The following PDE8A variants were observed in gnomAD, a reference collection of about 807,000 sequenced individuals.
The protein encoded by PDE8A is phosphodiesterase 8A.
Under a neutral mutation model 105.0 loss-of-function variants are expected in PDE8A, and 59 were observed. The observed-to-expected ratio is 0.56, with a 90% CI of 0.46 to 0.70. The LOEUF is 0.70. Ranked by LOEUF, PDE8A falls within the 30% of genes least tolerant of loss-of-function variation. PDE8A has a pLI of 0.00. For missense variants in PDE8A, 1,014 were observed against 1,045.9 expected (o/e 0.97, Z 0.42); for synonymous variants, 355 against 371.9 (o/e 0.95, Z 0.52).
intron 19 of PDE8A, among the ~76,000 whole-genome samples, chr15:85,125,718 C>T (rs2082248587): frequency 6.6e-6 from 1 of 152,062 alleles, no homozygotes; most frequent in African/African-American, 2.4e-5. Flanking sequence ...GGGAATCTGC[C>T]CTATCACAGG....
chr15:85,015,558 T>G (rs1371919404), intron 1 of PDE8A, among the ~76,000 whole-genome samples: 1 of 152,206 alleles, frequency 6.6e-6, no homozygotes, highest in East Asian at 1.9e-4. Flanking sequence ...CCATTCTGAA[T>G]TTTTACCAGC....
chr15:85,010,844 T>C (rs1359279991), intron 1 of PDE8A, among the ~76,000 whole-genome samples: 2 of 149,738 alleles, frequency 1.3e-5, no homozygotes, highest in Non-Finnish European at 3.0e-5. Context: ...GGGGAGCAGT[T>C]ATTGGCTAAT....
intron 19 of PDE8A, among the ~76,000 whole-genome samples, chr15:85,126,002 G>A (rs2082252660): frequency 6.6e-6 from 1 of 152,160 alleles, no homozygotes; most frequent in South Asian, 2.1e-4. Context: ...TCTAGGTCCT[G>A]TTGCAATCTC....
chr15:85,077,880 TAGTA>T (rs750175404), intron 5 of PDE8A, among the ~76,000 whole-genome samples: 24 of 148,136 alleles, frequency 1.6e-4, no homozygotes, highest in South Asian at 4.1e-4. Context: ...ATTTAAAACT[TAGTA>T]AGTCACATGT....
intron 1 of PDE8A, among the ~76,000 whole-genome samples, chr15:84,983,203 T>G (rs1466355637): frequency 6.6e-6 from 1 of 152,238 alleles, no homozygotes; most frequent in Non-Finnish European, 1.5e-5. Flanking sequence ...AGCTTTCCAG[T>G]TCTCTCATTT....
At chr15:85,075,763 C>T in intron 3 of PDE8A, 99 bp from the exon 4 acceptor site, 1 of 646,672 alleles carries the variant, frequency 1.5e-6, no homozygotes, top group Non-Finnish European at 2.6e-6. Flanking sequence ...ACTCTCCCTT[C>T]TACCCCTCTT....
intron 1 of PDE8A, among the ~76,000 whole-genome samples, chr15:85,015,503 T>G (rs1267380447): frequency 6.6e-6 from 1 of 152,174 alleles, no homozygotes; most frequent in African/African-American, 2.4e-5. Context: ...TTTTTTAATG[T>G]GAATTTTGCT....
intron 20 of PDE8A, among the ~76,000 whole-genome samples, chr15:85,129,183 A>T (rs1455851001): frequency 6.6e-6 from 1 of 152,168 alleles, no homozygotes; most frequent in Non-Finnish European, 1.5e-5. Flanking sequence ...TTTGTGCATC[A>T]GTATTTACAG....
intron 11 of PDE8A, among the ~76,000 whole-genome samples, chr15:85,105,561 A>G (rs553768054): frequency 3.0e-4 from 45 of 151,632 alleles, no homozygotes; most frequent in Non-Finnish European, 5.9e-4. Flanking sequence ...CTCTCTCATC[A>G]CCCCCACTGT....
Position 84,982,243 on chromosome 15 carries a change from G to T in PDE8A, c.81G>T (p.Ser27=). The change falls in exon 1 of 22, where the codon TCG becomes TCT. Residue 27 remains serine, a synonymous_variant. Coordinates refer to ENST00000394553, the MANE Select transcript of PDE8A (RefSeq NM_002605.3). ...CTAGCCCCGCGGCACCGCCGCTGTC[G>T]TCCGGCGGGCCGCGCCTCCCGCAGG... The part of the protein sequence containing the change: ...DAPSPAAPPL[S]SGGPRLPQGQ... The T allele has an allele frequency of 6.8e-7, 1 of 1,463,560 alleles. No individual in the cohort carries two copies. The highest frequency in any genetic ancestry group is 9.0e-7 in the Non-Finnish European group (1 of 1,116,648). The allele number at this position is 1,463,560 out of a possible 1,614,324, so 90.7% of individuals were successfully genotyped here. A position where few individuals can be genotyped will look rare whatever the true frequency, so the allele number is the denominator to read the frequency against.
intron 16 of PDE8A, among the ~76,000 whole-genome samples, chr15:85,116,783 G>A (rs995362142): frequency 6.6e-6 from 1 of 152,186 alleles, no homozygotes; most frequent in East Asian, 1.9e-4. Flanking sequence ...TGGGTGACCT[G>A]TCCCCAAGAT....
chr15:85,136,780 A>G, intron 21 of PDE8A, 117 bp downstream of exon 21: 1 of 1,026,090 alleles, frequency 9.7e-7, no homozygotes, highest in South Asian at 1.7e-5. Context: ...TTCAAGAACA[A>G]GAGCGAAGTG....
At chr15:85,006,526 G>C (rs1394411423) in intron 1 of PDE8A, among the ~76,000 whole-genome samples, 1 of 152,156 alleles carries the variant, frequency 6.6e-6, no homozygotes, top group South Asian at 2.1e-4. Flanking sequence ...TTTGCATTAA[G>C]TTGATTTGAA....
intron 1 of PDE8A, among the ~76,000 whole-genome samples, chr15:84,990,975 G>A (rs942924372): frequency 2.0e-5 from 3 of 151,928 alleles, no homozygotes; most frequent in Admixed American, 2.0e-4. Flanking sequence ...GTATTTCCTT[G>A]ATGGCTGATG....
intron 6 of PDE8A, among the ~76,000 whole-genome samples, chr15:85,089,135 G>C (rs2081599780): frequency 6.6e-6 from 1 of 152,102 alleles, no homozygotes; most frequent in Non-Finnish European, 1.5e-5. Context: ...CCTTCATATT[G>C]GAAGGAAAGA....
intron 9 of PDE8A, among the ~76,000 whole-genome samples, chr15:85,099,190 C>G (rs2081814337): frequency 6.6e-6 from 1 of 152,232 alleles, no homozygotes; most frequent in South Asian, 2.1e-4. Context: ...TCCATCCTAA[C>G]TGCAGCCCTG....
At chr15:85,100,265 T>A in intron 11 of PDE8A, 67 bp downstream of exon 11, 2 of 1,341,652 alleles carry the variant, frequency 1.5e-6, no homozygotes, top group Non-Finnish European at 2.1e-6. Context: ...AAAACAGATC[T>A]TTAACTAGCT....
intron 1 of PDE8A, among the ~76,000 whole-genome samples, chr15:85,001,623 G>A (rs1674902144): frequency 6.6e-6 from 1 of 152,164 alleles, no homozygotes; most frequent in Non-Finnish European, 1.5e-5. Context: ...GGGATCTGAG[G>A]TTGTTGAAGT....
chr15:85,095,697 G>A (rs946646784), intron 8 of PDE8A, among the ~76,000 whole-genome samples: 10 of 151,646 alleles, frequency 6.6e-5, no homozygotes, highest in African/African-American at 2.4e-4. Flanking sequence ...GTTTCCTCTG[G>A]TGACTGGAAA....
Sources: allele counts gnomAD v4.1 joint callset (sites outside exome capture counted in the v4.1 genomes callset), GRCh38; gene constraint gnomAD v4.1.1; transcripts MANE v1.5; gene names NCBI Gene and HGNC (gene_info 2026-07-23, HGNC 2026-07-21).